DLG2: variants seen among roughly 807,000 people sequenced by gnomAD.
DLG2 encodes the protein disks large homolog 2.
A neutral mutation model predicts 132.5 loss-of-function variants in DLG2; 45 were observed. The ratio of observed to expected loss-of-function variants is 0.34; its 90% CI spans 0.27 to 0.44. The LOEUF (loss-of-function observed/expected upper bound fraction) is 0.44. Ranked by LOEUF, DLG2 falls within the 20% of genes least tolerant of loss-of-function variation. The probability of loss-of-function intolerance (pLI) is 1.00; values close to 1 mark genes in which losing one functional copy is unlikely to be tolerated. For missense variants in DLG2, 1,045 were observed against 1,196.9 expected (o/e 0.87, Z 1.87); for synonymous variants, 424 against 419.6 (o/e 1.01, Z -0.13).
intron 6 of DLG2, among the ~76,000 whole-genome samples, chr11:85,042,226 G>A (rs1459453232): frequency 6.6e-6 from 1 of 151,948 alleles, no homozygotes; most frequent in Non-Finnish European, 1.5e-5. Context: ...AGATGTATAC[G>A]TTTGAGAATT....
At chr11:83,775,011 CA>C (rs2094530126) in intron 18 of DLG2, among the ~76,000 whole-genome samples, 1 of 151,674 alleles carries the variant, frequency 6.6e-6, no homozygotes, top group South Asian at 2.1e-4. Context: ...CCATATCCCC[CA>C]AAAGAACAAC....
chr11:83,956,383 A>G (rs930776471), intron 14 of DLG2, among the ~76,000 whole-genome samples: 10 of 152,212 alleles, frequency 6.6e-5, no homozygotes, highest in African/African-American at 2.4e-4. Context: ...TGGCAGAACT[A>G]AAAGAGTACT....
intron 7 of DLG2, 53 bp downstream of exon 7, chr11:84,534,517 T>A (rs998042498): frequency 1.6e-5 from 25 of 1,571,220 alleles, no homozygotes; most frequent in Non-Finnish European, 2.2e-5. Flanking sequence ...CCATTAGCAA[T>A]TAAGACCAAC....
At chr11:85,002,801 G>T (rs2058328649) in intron 6 of DLG2, among the ~76,000 whole-genome samples, 1 of 151,604 alleles carries the variant, frequency 6.6e-6, no homozygotes, top group Non-Finnish European at 1.5e-5. Context: ...TCTTCTGCTT[G>T]GCCACCTCTG....
chr11:84,778,248 A>G (rs993990957), intron 6 of DLG2, among the ~76,000 whole-genome samples: 1 of 152,150 alleles, frequency 6.6e-6, no homozygotes, highest in Admixed American at 6.5e-5. Context: ...AGGTCTATCA[A>G]AGATCAGTTG....
At chr11:85,605,559 C>T (rs1193683554) in intron 2 of DLG2, among the ~76,000 whole-genome samples, 6 of 152,158 alleles carry the variant, frequency 3.9e-5, no homozygotes, top group African/African-American at 1.2e-4. Context: ...CTTACTATAT[C>T]CAGACACTGG....
At chr11:83,863,650 T>TAA (rs144936465) in intron 16 of DLG2, among the ~76,000 whole-genome samples, 127 of 151,916 alleles carry the variant, frequency 8.4e-4, no homozygotes, top group African/African-American at 2.9e-3. Flanking sequence ...TTTATAGACT[T>TAA]AAAAAAATAA....
intron 21 of DLG2, among the ~76,000 whole-genome samples, chr11:83,507,774 A>G (rs1278909534): frequency 3.8e-5 from 3 of 78,334 alleles, no homozygotes; most frequent in Non-Finnish European, 8.1e-5. Context: ...ATATATATAT[A>G]TATATATATA....
chr11:85,421,913 C>T (rs542854131), intron 3 of DLG2, among the ~76,000 whole-genome samples: 1 of 151,998 alleles, frequency 6.6e-6, no homozygotes, highest in South Asian at 2.1e-4. Context: ...TTTGTTTTTC[C>T]GAAAAAGGCT....
chr11:84,407,348 G>T (rs1201350171), intron 7 of DLG2, among the ~76,000 whole-genome samples: 3 of 151,822 alleles, frequency 2.0e-5, no homozygotes, highest in African/African-American at 7.3e-5. Context: ...AGCATTACAT[G>T]CTCCTGGGTT....
Position 83,870,045 on chromosome 11 carries a change from A to T in DLG2, c.1565+4375T>A, listed in dbSNP as rs181264747. 3.3e-5 allele frequency among the ~76,000 whole-genome samples: 5 copies of T among 152,296 alleles called. No individual in the cohort carries two copies. In the East Asian group the frequency reaches 9.6e-4, roughly 29 times the overall value. On this transcript the variant is annotated intron_variant, in intron 16 of 27. Coordinates refer to ENST00000376104, the MANE Select transcript of DLG2 (RefSeq NM_001142699.3). ...TTTTTTAACCTCTGCCTTGCTGCAG[A>T]CACATCCCTTAAAATTCAATTTGTG...
At chr11:84,994,723 G>T (rs1458178912) in intron 6 of DLG2, among the ~76,000 whole-genome samples, 7 of 152,160 alleles carry the variant, frequency 4.6e-5, no homozygotes, top group Admixed American at 4.6e-4. Flanking sequence ...CACTCTAGGG[G>T]AGAGAGGAGA....
chr11:84,929,101 C>A (rs1297860189), intron 6 of DLG2, among the ~76,000 whole-genome samples: 1 of 145,870 alleles, frequency 6.9e-6, no homozygotes, highest in Non-Finnish European at 1.5e-5. Context: ...GATTTTTGAT[C>A]CTTACATAAG....
At chr11:83,930,304 G>T (rs1338057488) in intron 15 of DLG2, 24 bp downstream of exon 15, 1 of 1,611,794 alleles carries the variant, frequency 6.2e-7, no homozygotes, top group South Asian at 1.1e-5. Context: ...TCGAGAAGAT[G>T]AAGTGAGGAA....
chr11:84,279,306 C>T (rs2097825234), intron 7 of DLG2, among the ~76,000 whole-genome samples: 1 of 152,068 alleles, frequency 6.6e-6, no homozygotes, highest in Non-Finnish European at 1.5e-5. Flanking sequence ...AAAAAGGAAA[C>T]AACAGATGCT....
chr11:84,780,124 C>G (rs938159893), intron 6 of DLG2, among the ~76,000 whole-genome samples: 2 of 151,890 alleles, frequency 1.3e-5, no homozygotes, highest in Non-Finnish European at 2.9e-5. Flanking sequence ...AACAAAGATG[C>G]AAAAATCTTT....
chr11:85,611,787 G>T, intron 2 of DLG2, among the ~76,000 whole-genome samples: 1 of 152,234 alleles, frequency 6.6e-6, no homozygotes. Context: ...ATACCACAAG[G>T]AAATCATGGA....
intron 6 of DLG2, among the ~76,000 whole-genome samples, chr11:85,083,322 T>C (rs923139385): frequency 6.6e-6 from 1 of 152,180 alleles, no homozygotes; most frequent in Admixed American, 6.5e-5. Context: ...CCCAAGCTGG[T>C]ACCAAGCACC....
At chr11:85,397,478 AT>A (rs2152957022) in intron 3 of DLG2, among the ~76,000 whole-genome samples, 1 of 152,364 alleles carries the variant, frequency 6.6e-6, no homozygotes, top group Admixed American at 6.5e-5. Context: ...AAAGATAAAG[AT>A]TGGCAAATTG....
Sources: allele counts gnomAD v4.1 joint callset (sites outside exome capture counted in the v4.1 genomes callset), GRCh38; gene constraint gnomAD v4.1.1; transcripts MANE v1.5; gene names NCBI Gene and HGNC (gene_info 2026-07-23, HGNC 2026-07-21).